The following ACTN1 variants were observed in gnomAD, a reference collection of about 807,000 sequenced individuals.
The protein encoded by ACTN1 is alpha-actinin-1.
ACTN1 carries 30 observed loss-of-function variants against 119.6 expected under a neutral mutation model. The ratio of observed to expected loss-of-function variants is 0.25; its 90% confidence interval spans 0.19 to 0.34. ACTN1 has a LOEUF of 0.34. Ranked by LOEUF, ACTN1 falls within the 10% of genes least tolerant of loss-of-function variation. The pLI, the probability that ACTN1 is intolerant of heterozygous loss-of-function variation, is 1.00. For synonymous variants in ACTN1, 429 were observed against 472.6 expected, an observed-to-expected ratio of 0.91 and a Z score of 1.20; for missense variants, 764 against 1,223.4, an observed-to-expected ratio of 0.62 and a Z score of 5.60.
chr14:68,921,371 C>T (rs983953010), intron 2 of ACTN1: 11 of 407,936 alleles, frequency 2.7e-5, no homozygotes, highest in African/African-American at 2.3e-4. Flanking sequence ...CTTGCATCCA[C>T]TCAACATTTA....
At chr14:68,954,528 A>G (rs2036284035) in intron 1 of ACTN1, among the ~76,000 whole-genome samples, 1 of 152,046 alleles carries the variant, frequency 6.6e-6, no homozygotes, top group African/African-American at 2.4e-5. Context: ...GGGTTTCACC[A>G]TGTTAGCCAG....
At chr14:68,967,443 T>C (rs2036743766) in intron 1 of ACTN1, among the ~76,000 whole-genome samples, 1 of 152,156 alleles carries the variant, frequency 6.6e-6, no homozygotes. Context: ...ATCAGGGAGC[T>C]CCTGAAAGTC....
Position 68,904,658 on chromosome 14 carries a change from C to T in ACTN1, c.673G>A (p.Glu225Lys), listed in dbSNP as rs387907350. 3 of 1,613,844 alleles carry T rather than the reference C, an allele frequency of 1.9e-6. No homozygotes were observed. The highest frequency in any genetic ancestry group is 1.1e-5 in the South Asian group (1 of 91,090). Residue 225 changes from glutamate to lysine, a missense_variant, in exon 7 of 22, where the codon GAA becomes AAA. By Grantham distance (56) the Glu-to-Lys change is moderately conservative (BLOSUM62 1). Transcript: ENST00000394419. ...YLDIPKMLDA[E>K]DIVGTARPDE... is the part of the protein sequence containing the mutation. ...ACAGAAGGAAAGCGCCTTTCACCTTCGGCATCCAGCATCTTGGGGATGTCC... is the reference window on the plus strand; with the variant it reads ...ACAGAAGGAAAGCGCCTTTCACCTTTGGCATCCAGCATCTTGGGGATGTCC...
rs79516989 is a variant in ACTN1, at chr14:68,913,680, G to A, written c.341-1438C>T. On this transcript the variant is annotated intron_variant, in intron 3 of 21. Transcript: ENST00000394419. ...AGCGGGTAACCTGCTGAGTCTGCAT[G>A]GGATGCTGAGCAAAGGAACAAGTGT... is the stretch of plus-strand genomic sequence containing the variant. Among the ~76,000 whole-genome samples the A allele has an allele frequency of 6.7e-3, 1,016 of 152,308 alleles. 15 individuals are homozygous for A. The highest frequency in any genetic ancestry group is 0.023 in the African/African-American group (975 of 41,560).
intron 1 of ACTN1, among the ~76,000 whole-genome samples, chr14:68,946,587 A>G (rs1286536128): frequency 2.0e-5 from 3 of 152,120 alleles, no homozygotes; most frequent in East Asian, 3.9e-4. Context: ...CGCTGGGTCC[A>G]TGCTGCCTAA....
At chr14:68,973,962 C>T (rs972072038) in intron 1 of ACTN1, 1 of 152,296 alleles carries the variant, frequency 6.6e-6, no homozygotes, top group African/African-American at 2.4e-5. Context: ...AGGACCCCAC[C>T]ACTGTCCATG....
At chr14:68,915,247 C>G (rs2034225406) in intron 3 of ACTN1, among the ~76,000 whole-genome samples, 2 of 151,584 alleles carry the variant, frequency 1.3e-5, no homozygotes, top group African/African-American at 4.8e-5. Flanking sequence ...TCCCCCTCCT[C>G]CCCCTGCTCC....
chr14:68,890,268 C>T lies in ACTN1; in HGVS notation c.1105G>A (p.Gly369Ser), dbSNP rs764093646. The change falls in exon 11 of 22, where the codon GGC (glycine) becomes AGC (serine). Residue 369 changes from glycine (G) to serine (S), a missense_variant. Coordinates refer to ENST00000394419, the MANE Select transcript of ACTN1 (RefSeq NM_001130004.2). ...CCCTTCTCCACCTGCTCCAGGCAGC[C>T]CCAGGCATTGTTGATGTCCTGTGGG... The part of the protein sequence containing the change: ...RMVSDINNAW[G>S]CLEQVEKGYE... 2 of 1,614,204 alleles carry T rather than the reference C, an allele frequency of 1.2e-6. No individual in the cohort carries two copies. The highest frequency in any genetic ancestry group is 1.7e-6 in the Non-Finnish European group (2 of 1,180,038).
chr14:68,932,215 A>C (rs2140432280), intron 1 of ACTN1, among the ~76,000 whole-genome samples: 1 of 151,850 alleles, frequency 6.6e-6, no homozygotes, highest in East Asian at 1.9e-4. Context: ...CCATCTAATC[A>C]GCTGCCAGCA....
chr14:68,895,607 A>G (rs1179828955), intron 8 of ACTN1, among the ~76,000 whole-genome samples: 1 of 152,148 alleles, frequency 6.6e-6, no homozygotes, highest in Non-Finnish European at 1.5e-5. Context: ...CCGGAAGACT[A>G]TGCCAGAGAT....
chr14:68,970,085 C>T (rs1022204863), intron 1 of ACTN1, among the ~76,000 whole-genome samples: 2 of 152,202 alleles, frequency 1.3e-5, no homozygotes, highest in African/African-American at 4.8e-5. Context: ...CCTACAAGCC[C>T]TGGCCTGGCC....
chr14:68,912,248 G>A lies in ACTN1; in HGVS notation c.341-6C>T. 6.2e-7 allele frequency: 1 copy of A among 1,613,606 alleles called. No individual in the cohort carries two copies. Among genetic ancestry groups the A allele is most frequent in the Non-Finnish European group, 8.5e-7 (1 of 1,179,508 alleles). ...CACATTCCCATCCACGATTTCTACAGAAACAGCAGCAGCACACATCAGAAA... is the reference window on the plus strand; with the variant it reads ...CACATTCCCATCCACGATTTCTACAAAAACAGCAGCAGCACACATCAGAAA... On this transcript the variant is annotated splice_polypyrimidine_tract_variant and splice_region_variant and intron_variant, in intron 3 of 21. Transcript: ENST00000394419.
intron 1 of ACTN1, among the ~76,000 whole-genome samples, chr14:68,947,146 G>GT (rs1196132209): frequency 6.6e-6 from 1 of 152,210 alleles, no homozygotes; most frequent in Non-Finnish European, 1.5e-5. Flanking sequence ...CACCATTCTG[G>GT]TTCAGGAGTT....
In ACTN1 at chr14:68,913,597, C is replaced by T. The variant is rs184248649; in HGVS notation, c.341-1355G>A. 6.0e-4 allele frequency among the ~76,000 whole-genome samples: 92 copies of T among 152,314 alleles called. 1 individual carries two copies. Among genetic ancestry groups the T allele is most frequent in the Admixed American group, 5.9e-3 (91 of 15,302 alleles). On this transcript the variant is annotated intron_variant, in intron 3 of 21. Coordinates refer to ENST00000394419, the MANE Select transcript of ACTN1 (RefSeq NM_001130004.2). ...GTGAGGGCAAAACTGTATGCTGTTC[C>T]ATGACCAGCCGGGTGTAGTCCATGG...
intron 1 of ACTN1, among the ~76,000 whole-genome samples, chr14:68,940,211 A>C (rs2140486926): frequency 6.6e-6 from 1 of 152,316 alleles, no homozygotes; most frequent in Middle Eastern, 3.4e-3. Context: ...AGTGGCCAGC[A>C]CATTCCTTCC....
chr14:68,898,846 G>T (rs2033066680), intron 8 of ACTN1, among the ~76,000 whole-genome samples: 1 of 151,768 alleles, frequency 6.6e-6, no homozygotes. Flanking sequence ...GAGGTGGCAT[G>T]AGATTTGGGA....
chr14:68,978,612 C>T, intron 1 of ACTN1: 1 of 287,902 alleles, frequency 3.5e-6, no homozygotes, highest in Non-Finnish European at 6.6e-6. Context: ...GTCTCAGCCC[C>T]AGCCTGAAGA....
chr14:68,942,188 G>A (rs552337667), intron 1 of ACTN1, among the ~76,000 whole-genome samples: 3 of 149,818 alleles, frequency 2.0e-5, no homozygotes, highest in Admixed American at 2.0e-4. Context: ...AGGAACCTAC[G>A]CAACAGGCAA....
chr14:68,914,275 T>C (rs2034169291), intron 3 of ACTN1, among the ~76,000 whole-genome samples: 1 of 152,034 alleles, frequency 6.6e-6, no homozygotes, highest in African/African-American at 2.4e-5. Context: ...TGCACTTTCA[T>C]TTGTTATTTC....
Sources: gnomAD v4.1 joint callset for allele counts (sites outside exome capture counted in the v4.1 genomes callset) on GRCh38, gnomAD v4.1.1 for gene constraint, MANE v1.5 for transcripts, NCBI Gene and HGNC (gene_info 2026-07-23, HGNC 2026-07-21) for gene names.